Variants in UVRAG observed in about 807,000 individuals in gnomAD.
The protein encoded by UVRAG is UV radiation resistance-associated gene protein.
In UVRAG, 19 loss-of-function variants were observed where a neutral mutation model predicts 78.0. The observed-to-expected ratio is 0.24, with a 90% confidence interval of 0.17 to 0.36. UVRAG has a LOEUF of 0.36. Among genes scored for constraint, UVRAG ranks in the 10% least tolerant of loss-of-function variants. UVRAG has a pLI of 1.00. For synonymous variants in UVRAG, 323 were observed against 324.6 expected (o/e 1.00, Z 0.05); for missense variants, 740 against 853.8 (o/e 0.87, Z 1.66).
intron 8 of UVRAG, among the ~76,000 whole-genome samples, chr11:75,994,999 C>CA (rs923415052): frequency 2.6e-5 from 4 of 152,140 alleles, no homozygotes; most frequent in South Asian, 2.1e-4. Flanking sequence ...CAAAACAAAA[C>CA]AAAAAATTCT....
intron 14 of UVRAG, among the ~76,000 whole-genome samples, chr11:76,139,291 G>A (rs531252835): frequency 7.8e-4 from 119 of 152,302 alleles, no homozygotes; most frequent in African/African-American, 2.5e-3. Context: ...ACAAGTGGAA[G>A]AAACCCCAGA....
At chr11:76,094,218 A>G (rs1951750518) in intron 13 of UVRAG, among the ~76,000 whole-genome samples, 1 of 152,120 alleles carries the variant, frequency 6.6e-6, no homozygotes, top group African/African-American at 2.4e-5. Flanking sequence ...CCACTTGATC[A>G]TGGTGGATAA....
chr11:76,000,087 A>G (rs1185695549), intron 8 of UVRAG, among the ~76,000 whole-genome samples: 1 of 152,206 alleles, frequency 6.6e-6, no homozygotes, highest in Non-Finnish European at 1.5e-5. Context: ...AAAATACTCA[A>G]TCCAATAGCA....
intron 13 of UVRAG, among the ~76,000 whole-genome samples, chr11:76,088,790 C>T (rs1951640786): frequency 6.6e-6 from 1 of 152,204 alleles, no homozygotes; most frequent in Non-Finnish European, 1.5e-5. Flanking sequence ...TCTTTGCCCT[C>T]CTGAACAGAG....
intron 6 of UVRAG, among the ~76,000 whole-genome samples, chr11:75,926,466 A>G (rs1412534635): frequency 1.3e-5 from 2 of 152,238 alleles, no homozygotes; most frequent in Non-Finnish European, 2.9e-5. Flanking sequence ...AAATTTGAAC[A>G]TGGGAGGAAA....
chr11:75,816,140 T>A (rs959332344), intron 1 of UVRAG, among the ~76,000 whole-genome samples: 31 of 152,210 alleles, frequency 2.0e-4, no homozygotes, highest in Non-Finnish European at 7.3e-5. Context: ...TTAGGAGGAC[T>A]TTTTCCTTCT....
chr11:75,968,241 G>A (rs1004548063), intron 7 of UVRAG, among the ~76,000 whole-genome samples: 9 of 152,156 alleles, frequency 5.9e-5, no homozygotes, highest in Admixed American at 5.2e-4. Context: ...CTCATAAATA[G>A]GAATGTGTGT....
chr11:75,930,298 A>G (rs948112784), intron 6 of UVRAG, among the ~76,000 whole-genome samples: 1 of 152,210 alleles, frequency 6.6e-6, no homozygotes, highest in African/African-American at 2.4e-5. Context: ...TGTATGCTTA[A>G]TGAAAGTCTT....
At chr11:76,083,168 C>A (rs1951529954) in intron 13 of UVRAG, among the ~76,000 whole-genome samples, 1 of 152,134 alleles carries the variant, frequency 6.6e-6, no homozygotes, top group South Asian at 2.1e-4. Context: ...GTGTCTTATT[C>A]TTTATTCCTA....
intron 6 of UVRAG, among the ~76,000 whole-genome samples, chr11:75,937,076 G>T (rs1948387503): frequency 6.6e-6 from 1 of 152,254 alleles, no homozygotes; most frequent in Non-Finnish European, 1.5e-5. Flanking sequence ...TAAATAATAA[G>T]AAAAGTTTTT....
chr11:76,049,819 T>G (rs1043504187), intron 12 of UVRAG, among the ~76,000 whole-genome samples: 2 of 152,162 alleles, frequency 1.3e-5, no homozygotes, highest in Non-Finnish European at 1.5e-5. Context: ...CAATACAGTG[T>G]CAAAGGTACC....
intron 14 of UVRAG, among the ~76,000 whole-genome samples, chr11:76,125,849 T>C (rs183086197): frequency 7.2e-4 from 110 of 152,318 alleles, no homozygotes; most frequent in African/African-American, 2.1e-3. Flanking sequence ...CCAGTTTTCC[T>C]TGTATTTCTT....
rs923795973 is a variant in UVRAG at position 76,065,853 on chromosome 11, C to T, written c.1305+65C>T. 6.7e-6 allele frequency: 10 copies of T among 1,492,780 alleles called. No individual in the cohort carries two copies. In the African/African-American group the frequency reaches 1.4e-4, roughly 21 times the overall value. The allele number at this position is 1,492,780 out of a possible 1,614,324, so 92.5% of individuals were successfully genotyped here. On this transcript the variant is annotated intron_variant, in intron 13 of 14. Coordinates refer to ENST00000356136, the MANE Select transcript of UVRAG (RefSeq NM_003369.4). Reference sequence around the variant, plus strand: ...ACAGCCTGTTTCCTTAGATTGCCAGCCTTTTTTCTTTATAAATATGCACTG... The same window carrying T: ...ACAGCCTGTTTCCTTAGATTGCCAGTCTTTTTTCTTTATAAATATGCACTG...
intron 13 of UVRAG, among the ~76,000 whole-genome samples, chr11:76,066,775 A>T (rs937151911): frequency 6.6e-6 from 1 of 152,082 alleles, no homozygotes; most frequent in Non-Finnish European, 1.5e-5. Context: ...CACCCAGCCT[A>T]TTTATTTTTA....
At chr11:76,005,809 A>G (rs542773647) in intron 9 of UVRAG, among the ~76,000 whole-genome samples, 1 of 152,346 alleles carries the variant, frequency 6.6e-6, no homozygotes, top group African/African-American at 2.4e-5. Flanking sequence ...TCAGAGAAAC[A>G]TTTACTTAAC....
intron 13 of UVRAG, among the ~76,000 whole-genome samples, chr11:76,066,680 G>A (rs60658389): frequency 9.3e-4 from 142 of 152,212 alleles, no homozygotes; most frequent in African/African-American, 3.3e-3. Flanking sequence ...CACCGTGTTA[G>A]GCAGATGGTC....
chr11:76,105,201 A>C (rs948071078), intron 13 of UVRAG, among the ~76,000 whole-genome samples: 1 of 152,152 alleles, frequency 6.6e-6, no homozygotes, highest in Non-Finnish European at 1.5e-5. Context: ...ATATGAAAAA[A>C]GTGCTCAGCT....
rs984757302 is a variant in UVRAG, at chr11:76,141,250, G to C, written c.1937G>C (p.Gly646Ala). 3 of 1,614,108 alleles carry C rather than the reference G, an allele frequency of 1.9e-6. No homozygotes were observed. The African/African-American group carries it at 4.0e-5, about 22-fold the overall frequency. The change falls in exon 15 of 15, where the codon GGT becomes GCT. Residue 646 changes from glycine (G) to alanine (A), a missense_variant. Coordinates refer to ENST00000356136, the MANE Select transcript of UVRAG (RefSeq NM_003369.4). ...IGLEATGFASGDQLEAFNCIP... is the reference protein window; with the variant it reads ...IGLEATGFASADQLEAFNCIP... The stretch of plus-strand genomic sequence containing the variant: ...CTGGAAGCCACAGGTTTCGCCTCAG[G>C]TGATCAGCTAGAAGCATTTAACTGC...
At chr11:75,834,409 A>T (rs1945733765) in intron 1 of UVRAG, among the ~76,000 whole-genome samples, 1 of 152,042 alleles carries the variant, frequency 6.6e-6, no homozygotes, top group African/African-American at 2.4e-5. Context: ...CTCATTGGTA[A>T]TGTTAATTTT....
Sources: allele counts gnomAD v4.1 joint callset (sites outside exome capture counted in the v4.1 genomes callset), GRCh38; gene constraint gnomAD v4.1.1; transcripts MANE v1.5; gene names NCBI Gene and HGNC (gene_info 2026-07-23, HGNC 2026-07-21).